The following CD33 variants were observed in gnomAD, a reference collection of about 807,000 sequenced individuals.
CD33 encodes CD33 molecule, also known as myeloid cell surface antigen CD33.
A neutral mutation model predicts 31.4 loss-of-function variants in CD33; 25 were observed. That is an observed-to-expected ratio of 0.80 (90% CI 0.58 to 1.11). The LOEUF (loss-of-function observed/expected upper bound fraction) is 1.11, where lower values mean the gene tolerates loss of function less well. CD33 is among the 50% of genes most tolerant of loss of function. The probability of loss-of-function intolerance (pLI) is 0.00; values close to 1 mark genes in which losing one functional copy is unlikely to be tolerated. For synonymous variants in CD33, 176 were observed against 180.6 expected (o/e 0.97, Z 0.20); for missense variants, 407 against 448.1 (o/e 0.91, Z 0.83).
At chr19:51,223,075 T>C (rs562569079), upstream of CD33, among the ~76,000 whole-genome samples, 12 of 152,044 alleles carry the variant, frequency 7.9e-5, no homozygotes, top group African/African-American at 2.9e-4. Context: ...AAAAAGTTAC[T>C]CCGGCCTGGT....
At chr19:51,238,292 A>G (rs1599780850) in intron 6 of CD33, 1 of 152,238 alleles carries the variant, frequency 6.6e-6, no homozygotes. Flanking sequence ...CCTCTGAGAC[A>G]TCCATGTGGA....
intron 4 of CD33, among the ~76,000 whole-genome samples, chr19:51,227,070 A>G (rs1225915001): frequency 1.3e-5 from 2 of 152,062 alleles, no homozygotes; most frequent in African/African-American, 4.8e-5. Context: ...TTATGGCTGA[A>G]TGATAATCCA....
At chr19:51,212,409 G>A in the CD33 span, among the ~76,000 whole-genome samples, 5 of 152,038 alleles carry the variant, frequency 3.3e-5, no homozygotes, top group African/African-American at 9.7e-5. Context: ...CAGGGCAGGG[G>A]TGGGCCTCTC....
Position 51,225,470 on chromosome 19 carries a change from G to C in CD33, c.290G>C (p.Ser97Thr), listed in dbSNP as rs567103437. ...QGRFRLLGDP[S>T]RNNCSLSIVD... ...AGATTCCGCCTCCTTGGGGATCCCA[G>C]TAGGAACAACTGCTCCCTGAGCATC... The change falls in exon 2 of 7, where the codon AGT (serine) becomes ACT (threonine). Residue 97 changes from serine (S) to threonine (T), a missense_variant. By Grantham distance (58) the Ser-to-Thr change is moderately conservative. Coordinates refer to ENST00000262262, the MANE Select transcript of CD33 (RefSeq NM_001772.4). 3 of 1,614,022 alleles carry C rather than the reference G, an allele frequency of 1.9e-6. No homozygotes were observed. The South Asian group carries it at 3.3e-5, about 18-fold the overall frequency.
At chr19:51,228,963 C>T (rs1258787168) in intron 4 of CD33, among the ~76,000 whole-genome samples, 2 of 152,172 alleles carry the variant, frequency 1.3e-5, no homozygotes, top group Admixed American at 1.3e-4. Flanking sequence ...TAACAGTGGA[C>T]ATCCAGTTCC....
intron 4 of CD33, among the ~76,000 whole-genome samples, chr19:51,233,196 G>A (rs1981542061): frequency 6.6e-6 from 1 of 152,208 alleles, no homozygotes; most frequent in African/African-American, 2.4e-5. Flanking sequence ...GTTTCTCAGA[G>A]CCTGTGTGTG....
chr19:51,221,799 A>T (rs1013434961), upstream of CD33, among the ~76,000 whole-genome samples: 1 of 152,234 alleles, frequency 6.6e-6, no homozygotes, highest in African/African-American at 2.4e-5. Flanking sequence ...GTCCATAAAA[A>T]CAGTGAGTTA....
At chr19:51,216,126 T>C in the CD33 span, among the ~76,000 whole-genome samples, 1 of 152,162 alleles carries the variant, frequency 6.6e-6, no homozygotes, top group African/African-American at 2.4e-5. Flanking sequence ...TCTGAGACTT[T>C]GCATGTGTAG....
Position 51,225,484 on chromosome 19 carries a change from T to C in CD33, c.304T>C (p.Ser102Pro). Residue 102 changes from serine to proline, a missense_variant, in exon 2 of 7, where the codon TCC becomes CCC. Ser to Pro is a moderately conservative substitution (Grantham distance 74, BLOSUM62 -1). Coordinates refer to ENST00000262262, the MANE Select transcript of CD33 (RefSeq NM_001772.4). ...LLGDPSRNNC[S>P]LSIVDARRRD... The stretch of plus-strand genomic sequence containing the variant: ...TGGGGATCCCAGTAGGAACAACTGC[T>C]CCCTGAGCATCGTAGACGCCAGGAG... 1 of 1,613,728 alleles carries C rather than the reference T, an allele frequency of 6.2e-7. No homozygotes were observed. Among genetic ancestry groups the C allele is most frequent in the Non-Finnish European group, 8.5e-7 (1 of 1,179,780 alleles).
chr19:51,213,315 T>C, the CD33 span, among the ~76,000 whole-genome samples: 1 of 151,914 alleles, frequency 6.6e-6, no homozygotes, highest in Non-Finnish European at 1.5e-5. Context: ...GCTTTTAGAA[T>C]GCTCACAATG....
intron 6 of CD33, chr19:51,237,865 T>A (rs1245014451): frequency 6.6e-6 from 1 of 152,210 alleles, no homozygotes; most frequent in Non-Finnish European, 1.5e-5. Flanking sequence ...GAATAGAAGA[T>A]ACACAGATAA....
chr19:51,211,238 T>C, the CD33 span: 2 of 1,569,932 alleles, frequency 1.3e-6, no homozygotes, highest in South Asian at 1.2e-5. Context: ...AAAATCCGGC[T>C]GCAAGTGCAG....
intron 2 of CD33, 73 bp downstream of exon 2, chr19:51,225,671 C>A: frequency 6.5e-7 from 1 of 1,531,896 alleles, no homozygotes; most frequent in Non-Finnish European, 8.8e-7. Flanking sequence ...GGATGGGACC[C>A]TGGTACTGGG....
intron 6 of CD33, chr19:51,238,174 C>T (rs537627261): frequency 1.3e-5 from 2 of 152,198 alleles, no homozygotes; most frequent in East Asian, 1.9e-4. Context: ...ACTCAGAATT[C>T]AAACTTAAAA....
In CD33 at chr19:51,239,802, T is replaced by C. The variant is rs1982050592; in HGVS notation, c.*114T>C. The C allele has an allele frequency of 2.8e-6, 2 of 709,156 alleles. No homozygotes were observed. The highest frequency in any genetic ancestry group is 3.7e-5 in the African/African-American group (2 of 54,528). The allele number at this position is 709,156 out of a possible 1,614,324, so 43.9% of individuals were successfully genotyped here. On this transcript the variant is annotated 3_prime_UTR_variant, in exon 7 of 7. Transcript: ENST00000262262. ...CCACAGGCAATGGGTTTATAGACAT[T>C]ATGTGAGTTTCCTGCTATATTAACA...
the CD33 span, chr19:51,211,519 T>G: frequency 1.0e-5 from 16 of 1,534,020 alleles, no homozygotes; most frequent in Non-Finnish European, 1.4e-5. Context: ...TCGTTCATAC[T>G]TCTTTCGGAT....
rs372815187 is a variant in CD33 at position 51,226,362 on chromosome 19, A to T, written c.745+6A>T. 2.4e-5 allele frequency: 38 copies of T among 1,612,518 alleles called. No homozygotes were observed. The East Asian group carries it at 3.1e-4, about 13-fold the overall frequency. ...CTTTCCAGGAGATGGCTCAGGTAGG[A>T]AGGAGCCTCCCCGCCTGGGGCTGTT... On this transcript the variant is annotated splice_donor_region_variant and intron_variant, in intron 4 of 6. Transcript: ENST00000262262.
Position 51,239,616 on chromosome 19 carries a change from T to G in CD33, c.1023T>G (p.Ala341=). 1.2e-6 allele frequency: 2 copies of G among 1,613,830 alleles called. No homozygotes were observed. The highest frequency in any genetic ancestry group is 1.7e-6 in the Non-Finnish European group (2 of 1,179,872). ...TVEMDEELHY[A]SLNFHGMNPS... is the part of the protein sequence containing the mutation. ...AGATGGATGAGGAGCTGCATTATGC[T>G]TCCCTCAACTTTCATGGGATGAATC... The change falls in exon 7 of 7, where the codon GCT becomes GCG. Residue 341 remains alanine (A), a synonymous_variant. Coordinates refer to ENST00000262262, the MANE Select transcript of CD33 (RefSeq NM_001772.4).
chr19:51,217,868 T>C, the CD33 span, among the ~76,000 whole-genome samples: 141 of 152,368 alleles, frequency 9.3e-4, 1 homozygote, highest in Non-Finnish European at 1.7e-3. Context: ...TGAAAAGACA[T>C]GATTTCATTC....
Sources: allele counts gnomAD v4.1 joint callset (sites outside exome capture counted in the v4.1 genomes callset), GRCh38; gene constraint gnomAD v4.1.1; transcripts MANE v1.5; gene names NCBI Gene and HGNC (gene_info 2026-07-23, HGNC 2026-07-21).